The following PARD3 variants were observed in gnomAD, a reference collection of about 807,000 sequenced individuals.
PARD3 encodes the protein partitioning defective 3 homolog.
PARD3 carries 75 observed loss-of-function variants against 155.4 expected under a neutral mutation model. The observed-to-expected ratio is 0.48, with a 90% CI of 0.40 to 0.58. The LOEUF is 0.58. Ranked by LOEUF, PARD3 falls within the 20% of genes least tolerant of loss-of-function variation. The pLI is 0.00. For synonymous variants in PARD3, 576 were observed against 610.5 expected, an observed-to-expected ratio of 0.94 and a Z score of 0.83; for missense variants, 1,642 against 1,721.7, an observed-to-expected ratio of 0.95 and a Z score of 0.82.
intron 1 of PARD3, among the ~76,000 whole-genome samples, chr10:34,744,187 C>T (rs1246077709): frequency 2.6e-5 from 4 of 152,118 alleles, no homozygotes; most frequent in African/African-American, 9.7e-5. Context: ...CAATAAATAG[C>T]GCAACAACTT....
intron 1 of PARD3, among the ~76,000 whole-genome samples, chr10:34,703,460 G>GA (rs71033338): frequency 0.033 from 4,906 of 147,084 alleles, 283 homozygotes; most frequent in African/African-American, 0.12. Flanking sequence ...TAGGAAGTTG[G>GA]AAAAAAAAAA....
rs186816471 is a variant in PARD3 at position 34,393,364 on chromosome 10, G to A, written c.890+5966C>T. ...GGAGGACAAAGCTGGCAGATCACTTGAGCCCAAGAGTTTGAGACGAGACTG... is the reference window on the plus strand; with the variant it reads ...GGAGGACAAAGCTGGCAGATCACTTAAGCCCAAGAGTTTGAGACGAGACTG... On this transcript the variant is annotated intron_variant, in intron 7 of 24. Coordinates refer to ENST00000374788, the MANE Select transcript of PARD3 (RefSeq NM_001184785.2). Among the ~76,000 whole-genome samples the A allele has an allele frequency of 7.9e-5, 12 of 152,036 alleles. No homozygotes were observed. In the East Asian group the frequency reaches 2.1e-3, roughly 27 times the overall value.
At chr10:34,689,466 A>G (rs1339137530) in intron 2 of PARD3, among the ~76,000 whole-genome samples, 1 of 152,222 alleles carries the variant, frequency 6.6e-6, no homozygotes, top group Non-Finnish European at 1.5e-5. Flanking sequence ...AATTATGCAT[A>G]TATTTTAAAG....
chr10:34,352,390 T>TGCCGA (rs1191650626), intron 14 of PARD3, among the ~76,000 whole-genome samples: 6 of 152,172 alleles, frequency 3.9e-5, no homozygotes, highest in African/African-American at 1.4e-4. Flanking sequence ...CTCCCTCTGA[T>TGCCGA]GCCGAGCCGA....
rs968012203 is a variant in PARD3 at position 34,214,909 on chromosome 10, G to A, written c.3419+54748C>T. 7.2e-5 allele frequency among the ~76,000 whole-genome samples: 11 copies of A among 152,232 alleles called. No homozygotes were observed. The East Asian group carries it at 1.9e-3, about 27-fold the overall frequency. On this transcript the variant is annotated intron_variant, in intron 22 of 24. Transcript: ENST00000374788. ...AAAAAAATCTAAAATGATCAGGCCT[G>A]GTTTCTTTTAAGGGTGAGACGCAGT...
chr10:34,482,581 AGAGTACTAAATAC>A (rs2079154581), intron 3 of PARD3, among the ~76,000 whole-genome samples: 1 of 152,204 alleles, frequency 6.6e-6, no homozygotes, highest in African/African-American at 2.4e-5. Flanking sequence ...GACAGTTAGA[AGAGTACTAAATAC>A]CATGAGAAGC....
intron 3 of PARD3, among the ~76,000 whole-genome samples, chr10:34,516,363 C>T (rs2081765577): frequency 6.6e-6 from 1 of 152,164 alleles, no homozygotes; most frequent in Non-Finnish European, 1.5e-5. Context: ...ATATTTGTAG[C>T]AAAAATACCT....
chr10:34,500,007 T>C (rs1286677053), intron 3 of PARD3, among the ~76,000 whole-genome samples: 1 of 152,260 alleles, frequency 6.6e-6, no homozygotes, highest in Non-Finnish European at 1.5e-5. Context: ...AAAAAGTCTG[T>C]ACATGTTCAG....
intron 2 of PARD3, among the ~76,000 whole-genome samples, chr10:34,612,700 G>A (rs899735194): frequency 1.3e-5 from 2 of 152,196 alleles, no homozygotes; most frequent in African/African-American, 4.8e-5. Flanking sequence ...GCTGCAGAAA[G>A]CTTCTTAATG....
At chr10:34,458,554 G>A (rs1337946678) in intron 4 of PARD3, among the ~76,000 whole-genome samples, 1 of 152,126 alleles carries the variant, frequency 6.6e-6, no homozygotes, top group Non-Finnish European at 1.5e-5. Context: ...GCTTGAGACT[G>A]TAGTGAGCAA....
At chr10:34,261,697 A>AAAGAAAGAAAGAAAGG (rs1554820226) in intron 22 of PARD3, among the ~76,000 whole-genome samples, 1 of 116,852 alleles carries the variant, frequency 8.6e-6, no homozygotes, top group African/African-American at 5.1e-5. Flanking sequence ...TCAAAGAAAG[A>AAAGAAAGAAAGAAAGG]AAGGAAGAAA....
intron 22 of PARD3, among the ~76,000 whole-genome samples, chr10:34,248,150 G>T (rs1038093776): frequency 1.3e-5 from 2 of 152,148 alleles, no homozygotes; most frequent in Non-Finnish European, 2.9e-5. Context: ...CTTGGAAAAT[G>T]GATCAATTCA....
chr10:34,134,510 T>C (rs1432354486), intron 22 of PARD3, among the ~76,000 whole-genome samples: 1 of 152,206 alleles, frequency 6.6e-6, no homozygotes, highest in Non-Finnish European at 1.5e-5. Flanking sequence ...ACAAAGGGAG[T>C]TGACCGAGTA....
chr10:34,479,276 C>T (rs2078913433), intron 3 of PARD3, among the ~76,000 whole-genome samples: 1 of 151,798 alleles, frequency 6.6e-6, no homozygotes, highest in African/African-American at 2.4e-5. Flanking sequence ...ATTCTCCTGC[C>T]TCAGCCTCCC....
At chr10:34,784,389 T>C (rs950364007) in intron 1 of PARD3, among the ~76,000 whole-genome samples, 3 of 151,848 alleles carry the variant, frequency 2.0e-5, no homozygotes, top group African/African-American at 7.2e-5. Context: ...ATGTGAATAC[T>C]AACAAGAGTA....
At position 34,574,394 on chromosome 10, in the gene PARD3, T is replaced by C. The variant is rs74383317; in HGVS notation, c.223-57235A>G. ...ACCAAATTTAGACACTTGTCCATAA[T>C]TCCTGTGTCCTCCAGGCCTCTGAAC... On this transcript the variant is annotated intron_variant, in intron 2 of 24. Coordinates refer to ENST00000374788, the MANE Select transcript of PARD3 (RefSeq NM_001184785.2). Among the ~76,000 whole-genome samples, 274 of 152,332 alleles carry C rather than the reference T, an allele frequency of 1.8e-3. 2 individuals carry two copies. The highest frequency in any genetic ancestry group is 6.3e-3 in the African/African-American group (261 of 41,582).
intron 2 of PARD3, among the ~76,000 whole-genome samples, chr10:34,616,782 A>C (rs1471576959): frequency 6.6e-6 from 1 of 152,016 alleles, no homozygotes; most frequent in Admixed American, 6.5e-5. Context: ...CTACCAAAAA[A>C]ACAAAAGCCA....
intron 2 of PARD3, among the ~76,000 whole-genome samples, chr10:34,666,656 G>C (rs539136521): frequency 2.1e-4 from 32 of 150,932 alleles, no homozygotes; most frequent in Admixed American, 4.0e-4. Flanking sequence ...ACCTAACATG[G>C]GATTGACAGT....
intron 23 of PARD3, among the ~76,000 whole-genome samples, chr10:34,124,433 G>A (rs1947168701): frequency 2.0e-5 from 3 of 152,188 alleles, no homozygotes; most frequent in African/African-American, 7.2e-5. Context: ...ATTAAATCAT[G>A]TGAAGAGTGT....
Sources: allele counts gnomAD v4.1 joint callset (sites outside exome capture counted in the v4.1 genomes callset), GRCh38; gene constraint gnomAD v4.1.1; transcripts MANE v1.5; gene names NCBI Gene and HGNC (gene_info 2026-07-23, HGNC 2026-07-21).